The following PIBF1 variants were observed in gnomAD, a reference collection of about 807,000 sequenced individuals.
The protein encoded by PIBF1 is progesterone immunomodulatory binding factor 1, also known as progesterone-induced-blocking factor 1.
Under a neutral mutation model 112.5 loss-of-function variants are expected in PIBF1, and 90 were observed. The observed-to-expected ratio is 0.80, with a 90% CI of 0.67 to 0.95. The LOEUF (loss-of-function observed/expected upper bound fraction) is 0.95. Among genes scored for constraint, PIBF1 ranks in the 40% least tolerant of loss-of-function variants. The pLI is 0.00. For missense variants in PIBF1, 915 were observed against 852.3 expected, an observed-to-expected ratio of 1.07 and a Z score of -0.92; for synonymous variants, 301 against 288.6, an observed-to-expected ratio of 1.04 and a Z score of -0.44.
In PIBF1 at chr13:73,007,223, G is replaced by GA. The variant is rs1330571286; in HGVS notation, c.2223+8234dup. 2.7e-5 allele frequency among the ~76,000 whole-genome samples: 4 copies of GA among 149,600 alleles called. No homozygotes were observed. The East Asian group carries it at 5.8e-4, about 22-fold the overall frequency. On this transcript the variant is annotated intron_variant, in intron 17 of 17. Transcript: ENST00000326291. ...AAAGGGAAGTAACTTTAATAAAATA[G>GA]AAAAAAGAAACACTGCTGATCAAAG...
rs113824768 is a variant in PIBF1, at chr13:72,798,202, T to G, written c.672+176T>G. Among the ~76,000 whole-genome samples the G allele has an allele frequency of 7.2e-3, 1,094 of 152,318 alleles. 23 individuals are homozygous for G. The highest frequency in any genetic ancestry group is 0.025 in the African/African-American group (1,028 of 41,572). On this transcript the variant is annotated intron_variant, in intron 5 of 17. Transcript: ENST00000326291. ...AATTGGAAGTAGTCATCTTAAACAT[T>G]GACAAGACAAGTCTGTGTTATTGAC...
At chr13:72,947,276 T>C (rs1330594935) in intron 14 of PIBF1, among the ~76,000 whole-genome samples, 1 of 152,210 alleles carries the variant, frequency 6.6e-6, no homozygotes. Flanking sequence ...AGCTGTACAT[T>C]GGCCCCTTCT....
intron 12 of PIBF1, among the ~76,000 whole-genome samples, chr13:72,912,270 C>T (rs558151011): frequency 2.0e-5 from 3 of 151,696 alleles, no homozygotes; most frequent in Non-Finnish European, 2.9e-5. Flanking sequence ...AATCTGTTAA[C>T]GTTAGCAGTA....
chr13:72,890,713 C>T (rs777701850), intron 10 of PIBF1, among the ~76,000 whole-genome samples: 3 of 151,976 alleles, frequency 2.0e-5, no homozygotes, highest in South Asian at 2.1e-4. Context: ...ATTGAGAGTA[C>T]GAGATGAGAA....
intron 14 of PIBF1, among the ~76,000 whole-genome samples, chr13:72,956,396 T>C (rs1450337705): frequency 6.6e-6 from 1 of 152,082 alleles, no homozygotes; most frequent in Non-Finnish European, 1.5e-5. Flanking sequence ...CATACATACA[T>C]GGGGGAAGTG....
intron 14 of PIBF1, among the ~76,000 whole-genome samples, chr13:72,944,622 GTTTTA>G (rs1241588719): frequency 6.6e-6 from 1 of 151,870 alleles, no homozygotes; most frequent in Non-Finnish European, 1.5e-5. Context: ...CTGCATTTTT[GTTTTA>G]TTTTTTTTAA....
intron 10 of PIBF1, among the ~76,000 whole-genome samples, chr13:72,866,404 T>G (rs2038929726): frequency 6.6e-6 from 1 of 152,220 alleles, no homozygotes; most frequent in East Asian, 1.9e-4. Context: ...AGGTAACATT[T>G]TATTTTGAAA....
At chr13:72,909,291 A>G (rs1359455267) in intron 12 of PIBF1, among the ~76,000 whole-genome samples, 4 of 152,308 alleles carry the variant, frequency 2.6e-5, no homozygotes, top group Non-Finnish European at 5.9e-5. Flanking sequence ...AGTTCATGGA[A>G]ATAATTCCCG....
intron 15 of PIBF1, among the ~76,000 whole-genome samples, chr13:72,966,916 TTA>T (rs2042755541): frequency 8.3e-6 from 1 of 119,932 alleles, no homozygotes; most frequent in Non-Finnish European, 2.1e-5. Context: ...CTCAAAAAAA[TTA>T]AAATTAAAAT....
At chr13:72,818,385 A>G (rs986472624) in intron 5 of PIBF1, among the ~76,000 whole-genome samples, 4 of 152,130 alleles carry the variant, frequency 2.6e-5, no homozygotes, top group Admixed American at 6.5e-5. Context: ...TAATTCATCT[A>G]TAGCCTTGGC....
At chr13:72,818,061 AATATATAC>A (rs71099754) in intron 5 of PIBF1, among the ~76,000 whole-genome samples, 41,677 of 151,594 alleles carry the variant, frequency 0.27, 6,745 homozygotes, top group East Asian at 0.47. Context: ...GAAATTTATA[AATATATAC>A]ATATATATAC....
intron 6 of PIBF1, among the ~76,000 whole-genome samples, chr13:72,825,240 G>A (rs1054537569): frequency 1.3e-5 from 2 of 152,086 alleles, no homozygotes; most frequent in African/African-American, 4.8e-5. Flanking sequence ...AAAATGGATT[G>A]TATGTTAGAT....
intron 17 of PIBF1, among the ~76,000 whole-genome samples, chr13:73,014,677 G>A (rs1484340957): frequency 6.6e-6 from 1 of 152,038 alleles, no homozygotes; most frequent in African/African-American, 2.4e-5. Flanking sequence ...AGAGTATATG[G>A]GATATCTCTG....
chr13:72,829,361 C>T (rs1455491094), intron 8 of PIBF1, among the ~76,000 whole-genome samples: 1 of 152,120 alleles, frequency 6.6e-6, no homozygotes, highest in Non-Finnish European at 1.5e-5. Context: ...CCCATGCCTA[C>T]ATCCTGAATG....
chr13:72,989,794 G>A (rs1018619907), intron 16 of PIBF1, among the ~76,000 whole-genome samples: 5 of 152,150 alleles, frequency 3.3e-5, no homozygotes, highest in Non-Finnish European at 4.4e-5. Context: ...TCTCAGGAAC[G>A]CTATTTGAGA....
intron 14 of PIBF1, among the ~76,000 whole-genome samples, chr13:72,932,687 C>A (rs551621591): frequency 1.4e-4 from 22 of 152,268 alleles, no homozygotes; most frequent in Admixed American, 1.2e-3. Flanking sequence ...CATACAGATA[C>A]AACAGACATA....
intron 16 of PIBF1, among the ~76,000 whole-genome samples, chr13:72,992,364 C>G (rs1337731462): frequency 6.6e-6 from 1 of 152,032 alleles, no homozygotes; most frequent in Non-Finnish European, 1.5e-5. Context: ...AAGCATCTGC[C>G]AGGCCTAGGC....
intron 9 of PIBF1, among the ~76,000 whole-genome samples, chr13:72,852,081 A>G (rs972868612): frequency 6.6e-6 from 1 of 152,132 alleles, no homozygotes; most frequent in Non-Finnish European, 1.5e-5. Flanking sequence ...CTTCCTGGAC[A>G]CAGGATGAGA....
rs1482342268 is a variant in PIBF1, at chr13:72,866,258, CA to C, written c.1322+12106del. Among the ~76,000 whole-genome samples the C allele has an allele frequency of 4.6e-5, 7 of 152,122 alleles. No homozygotes were observed. In the East Asian group the frequency reaches 1.3e-3, roughly 29 times the overall value. ...ATCACATCTACAAAGACTCTTTTTC[CA>C]AATAAGGTAATAGTCACAGCTTTTG... On this transcript the variant is annotated intron_variant, in intron 10 of 17. Transcript: ENST00000326291.
Sources: allele counts gnomAD v4.1 joint callset (sites outside exome capture counted in the v4.1 genomes callset), GRCh38; gene constraint gnomAD v4.1.1; transcripts MANE v1.5; gene names NCBI Gene and HGNC (gene_info 2026-07-23, HGNC 2026-07-21).